Variants in DNAH9 observed in about 807,000 individuals in gnomAD.
The protein encoded by DNAH9 is dynein axonemal heavy chain 9.
Under a neutral mutation model 471.6 loss-of-function variants are expected in DNAH9, and 345 were observed. That is an observed-to-expected ratio of 0.73 (90% CI 0.67 to 0.80). The LOEUF (loss-of-function observed/expected upper bound fraction) is 0.80. Among genes scored for constraint, DNAH9 ranks in the 30% least tolerant of loss-of-function variants. The pLI is 0.00. For synonymous variants in DNAH9, 2,093 were observed against 2,123.6 expected (o/e 0.99, Z 0.40); for missense variants, 5,407 against 5,609.2 (o/e 0.96, Z 1.15).
intron 32 of DNAH9, among the ~76,000 whole-genome samples, chr17:11,750,879 G>A (rs80141678): frequency 0.083 from 12,648 of 151,868 alleles, 674 homozygotes; most frequent in Non-Finnish European, 0.11. Flanking sequence ...AGAAAATGAC[G>A]GAAAAGGAAC....
At chr17:11,935,743 A>C (rs55818712) in intron 65 of DNAH9, among the ~76,000 whole-genome samples, 1,770 of 152,232 alleles carry the variant, frequency 0.012, 65 homozygotes, top group African/African-American at 0.04. Flanking sequence ...TTGAATATAA[A>C]ACATAAGGGA....
Position 11,611,724 on chromosome 17 carries a change from A to C in DNAH9, c.848A>C (p.Lys283Thr). Residue 283 changes from lysine (K) to threonine (T), a missense_variant, in exon 4 of 69, where the codon AAG (lysine) becomes ACG (threonine). Physicochemically the swap from Lys to Thr is moderately conservative, Grantham distance 78. Coordinates refer to ENST00000262442, the MANE Select transcript of DNAH9 (RefSeq NM_001372.4). ...AGGGGCATGGCCAAGCTCCTGGACA[A>C]GCTTCAGAGTAGCTACTTTCCAGCT... ...TVRGMAKLLD[K>T]LQSSYFPAFK... 1 of 1,614,054 alleles carries C rather than the reference A, an allele frequency of 6.2e-7. No homozygotes were observed. Among genetic ancestry groups the C allele is most frequent in the Middle Eastern group, 1.6e-4 (1 of 6,062 alleles).
intron 67 of DNAH9, among the ~76,000 whole-genome samples, chr17:11,955,380 AAAAT>A (rs1050048316): frequency 5.3e-4 from 80 of 152,354 alleles, no homozygotes; most frequent in African/African-American, 1.7e-3. Context: ...GAGCAGCCAA[AAAAT>A]AAATAAATAA....
intron 2 of DNAH9, 147 bp from the exon 3 acceptor site, chr17:11,610,249 A>T (rs1454864548): frequency 3.2e-6 from 2 of 618,912 alleles, no homozygotes; most frequent in Admixed American, 6.7e-5. Flanking sequence ...CTGTTATCCA[A>T]AAAAGTTAAG....
Position 11,689,865 on chromosome 17 carries a change from A to G in DNAH9, c.4043A>G (p.Lys1348Arg). ...QFARHIRNLD[K>R]EVRAWDAFTG... ...GCCCGGCATATCCGAAACCTGGACA[A>G]GGAGGTCAGGGCCTGGGATGCATTC... Residue 1348 changes from lysine to arginine, a missense_variant, in exon 20 of 69, where the codon AAG becomes AGG. Physicochemically the swap from Lys to Arg is conservative, Grantham distance 26. Transcript: ENST00000262442. The G allele has an allele frequency of 6.2e-7, 1 of 1,610,094 alleles. No homozygotes were observed. Among genetic ancestry groups the G allele is most frequent in the African/African-American group, 1.3e-5 (1 of 74,956 alleles).
chr17:11,812,498 C>T (rs1047826406), intron 45 of DNAH9, among the ~76,000 whole-genome samples: 1 of 152,038 alleles, frequency 6.6e-6, no homozygotes, highest in Admixed American at 6.6e-5. Flanking sequence ...TCATTGTCTG[C>T]TTCATATTTT....
chr17:11,759,030 C>T lies in DNAH9; in HGVS notation c.6995+1338C>T, dbSNP rs540582199. Among the ~76,000 whole-genome samples, 5 of 149,550 alleles carry T rather than the reference C, an allele frequency of 3.3e-5. No homozygotes were observed. In the East Asian group the frequency reaches 9.8e-4, roughly 29 times the overall value. On this transcript the variant is annotated intron_variant, in intron 35 of 68. Transcript: ENST00000262442. Reference sequence around the variant, plus strand: ...AATATCACAGATGGACTAGGGCAGCCAAGAGTTAGAAAACCAGAGAAGGGT... The same window carrying T: ...AATATCACAGATGGACTAGGGCAGCTAAGAGTTAGAAAACCAGAGAAGGGT...
rs546724157 is a variant in DNAH9 at position 11,690,002 on chromosome 17, G to A, written c.4180G>A (p.Gly1394Ser). 8.7e-6 allele frequency: 14 copies of A among 1,614,122 alleles called. No homozygotes were observed. In the East Asian group the frequency reaches 8.9e-5, roughly 10 times the overall value. The change falls in exon 20 of 69, where the codon GGT becomes AGT. Residue 1394 changes from glycine to serine, a missense_variant. Gly to Ser is a moderately conservative substitution (Grantham distance 56, BLOSUM62 0). Around this residue, in one of 3 missense-constraint regions of DNAH9, gnomAD observed 4,636 missense variants for 4,900.3 expected, o/e 0.95. Coordinates refer to ENST00000262442, the MANE Select transcript of DNAH9 (RefSeq NM_001372.4). Reference protein sequence around the residue: ...RHWRQLMQATGVSFTMDQDTT... With the variant: ...RHWRQLMQATSVSFTMDQDTT... ...CTGGAGGCAGCTGATGCAGGCCACC[G>A]GTGTGAGCTTCACTATGGACCAGGA...
rs1475733744 is a variant in DNAH9 at position 11,737,247 on chromosome 17, TTG to T, written c.5815-1631_5815-1630del. ...CTCTGGGAAGGGAGCTGAATCCTAATTGTAGAACTGTCATGCATCCAGGCAAA... is the reference window on the plus strand; with the variant it reads ...CTCTGGGAAGGGAGCTGAATCCTAATTAGAACTGTCATGCATCCAGGCAAA... On this transcript the variant is annotated intron_variant, in intron 28 of 68. Coordinates refer to ENST00000262442, the MANE Select transcript of DNAH9 (RefSeq NM_001372.4). 3.9e-5 allele frequency among the ~76,000 whole-genome samples: 6 copies of T among 152,338 alleles called. 1 individual carries two copies. The highest frequency in any genetic ancestry group is 1.4e-4 in the African/African-American group (6 of 41,572).
intron 35 of DNAH9, 80 bp downstream of exon 35, chr17:11,757,772 G>GTTC (rs1967463591): frequency 6.2e-6 from 9 of 1,454,552 alleles, no homozygotes; most frequent in African/African-American, 1.4e-5. Flanking sequence ...TCCTGCTGAT[G>GTTC]TTCTGTCCTG....
At chr17:11,744,191 C>T (rs1451289161) in intron 30 of DNAH9, among the ~76,000 whole-genome samples, 1 of 152,102 alleles carries the variant, frequency 6.6e-6, no homozygotes, top group East Asian at 1.9e-4. Context: ...AGTAGAGGAG[C>T]TTGGGCTTCA....
chr17:11,702,296 G>A (rs142315907), intron 24 of DNAH9, among the ~76,000 whole-genome samples: 1 of 152,316 alleles, frequency 6.6e-6, no homozygotes, highest in Non-Finnish European at 1.5e-5. Context: ...ATTCCTTATA[G>A]GTTTCTCAGA....
At chr17:11,816,017 T>G (rs1970083302) in intron 45 of DNAH9, among the ~76,000 whole-genome samples, 1 of 152,092 alleles carries the variant, frequency 6.6e-6, no homozygotes, top group African/African-American at 2.4e-5. Flanking sequence ...CTCATGCCCT[T>G]CTTTGTCTGG....
intron 50 of DNAH9, among the ~76,000 whole-genome samples, chr17:11,863,904 T>C (rs1416675745): frequency 6.6e-6 from 1 of 152,080 alleles, no homozygotes; most frequent in Non-Finnish European, 1.5e-5. Context: ...TATTTGATTC[T>C]TCTCTCCTTT....
chr17:11,603,130 A>T lies in DNAH9; in HGVS notation c.417+4215A>T, dbSNP rs369934478. On this transcript the variant is annotated intron_variant, in intron 1 of 68. Transcript: ENST00000262442. Reference sequence around the variant, plus strand: ...CTCTACATACTTCATACCTGCACCCATTAAATTAAAAGAGACCAGGGAAAA... The same window carrying T: ...CTCTACATACTTCATACCTGCACCCTTTAAATTAAAAGAGACCAGGGAAAA... Among the ~76,000 whole-genome samples, 170 of 152,330 alleles carry T rather than the reference A, an allele frequency of 1.1e-3. 2 individuals carry two copies. The highest frequency in any genetic ancestry group is 3.9e-3 in the African/African-American group (164 of 41,576).
intron 61 of DNAH9, among the ~76,000 whole-genome samples, chr17:11,920,400 C>T (rs188929998): frequency 1.8e-4 from 27 of 151,390 alleles, no homozygotes; most frequent in Admixed American, 1.8e-3. Context: ...GTGGGCAGAT[C>T]ACCTGAGGTC....
intron 50 of DNAH9, among the ~76,000 whole-genome samples, chr17:11,858,543 C>T (rs1971706149): frequency 6.6e-6 from 1 of 152,198 alleles, no homozygotes; most frequent in African/African-American, 2.4e-5. Context: ...ATAATCCCCA[C>T]CAACTTCTAT....
intron 28 of DNAH9, among the ~76,000 whole-genome samples, chr17:11,735,497 G>A (rs1013941722): frequency 2.0e-5 from 3 of 151,856 alleles, no homozygotes; most frequent in African/African-American, 4.8e-5. Context: ...GTGCAGTGGC[G>A]CGATCTCGGC....
At chr17:11,820,132 T>A (rs1461396500) in intron 45 of DNAH9, among the ~76,000 whole-genome samples, 1 of 152,184 alleles carries the variant, frequency 6.6e-6, no homozygotes, top group Non-Finnish European at 1.5e-5. Context: ...TTGCTAACAG[T>A]CTTTAGAAAC....
Sources: gnomAD v4.1 joint callset for allele counts (sites outside exome capture counted in the v4.1 genomes callset) on GRCh38, gnomAD v4.1.1 for gene constraint, gnomAD v4.1.1 regional missense constraint, MANE v1.5 for transcripts, NCBI Gene and HGNC (gene_info 2026-07-23, HGNC 2026-07-21) for gene names.